The following FGFR1 variants were observed in gnomAD, a reference collection of about 807,000 sequenced individuals.
The protein encoded by FGFR1 is FGFR1/PLAG1 fusion.
FGFR1 carries 18 observed loss-of-function variants against 93.7 expected under a neutral mutation model. The ratio of observed to expected loss-of-function variants is 0.19; its 90% CI spans 0.13 to 0.28. The LOEUF (loss-of-function observed/expected upper bound fraction) is 0.28, where lower values mean the gene tolerates loss of function less well. Ranked by LOEUF, FGFR1 falls within the 10% of genes least tolerant of loss-of-function variation. The pLI is 1.00. For missense variants in FGFR1, 731 were observed against 1,080.4 expected (o/e 0.68, Z 4.53); for synonymous variants, 448 against 429.3 (o/e 1.04, Z -0.54).
intron 2 of FGFR1, among the ~76,000 whole-genome samples, chr8:38,446,359 C>T (rs1237150979): frequency 6.6e-6 from 1 of 151,994 alleles, no homozygotes; most frequent in Non-Finnish European, 1.5e-5. Context: ...TACAGGCGCC[C>T]GCCACCACAC....
Position 38,424,738 on chromosome 8 carries a change from C to G in FGFR1, c.746-39G>C, listed in dbSNP as rs2150829049. The G allele has an allele frequency of 6.3e-7, 1 of 1,594,210 alleles. No homozygotes were observed. Among genetic ancestry groups the G allele is most frequent in the East Asian group, 2.2e-5 (1 of 44,568 alleles). ...GAGAGGAGGCACTTGTCATGGGGAC[C>G]TTGCCATGGCTAAAGAGGGGTGGGC... is the stretch of plus-strand genomic sequence containing the variant. On this transcript the variant is annotated intron_variant, in intron 6 of 17. Transcript: ENST00000447712. The surrounding 1 kb of genome is among the most constrained non-coding windows in gnomAD (Gnocchi z 4.3).
At chr8:38,430,083 G>T in intron 2 of FGFR1, 135 bp from the exon 3 acceptor site, 1 of 877,248 alleles carries the variant, frequency 1.1e-6, no homozygotes, top group Non-Finnish European at 1.7e-6. Flanking sequence ...CTTACTGGAG[G>T]CTACTGAGCC....
At chr8:38,467,640 T>C (rs934597997) in intron 1 of FGFR1, 1 of 234,326 alleles carries the variant, frequency 4.3e-6, no homozygotes, top group Non-Finnish European at 8.4e-6. Context: ...CCTCGCCGCC[T>C]TCGCCCCGGG....
chr8:38,440,488 C>A, intron 2 of FGFR1: 2 of 755,400 alleles, frequency 2.6e-6, no homozygotes, highest in East Asian at 3.0e-5. Flanking sequence ...GGAAAGAGAG[C>A]CGGGAGCACC....
intron 2 of FGFR1, among the ~76,000 whole-genome samples, chr8:38,448,056 G>T (rs1174177268): frequency 6.6e-6 from 1 of 152,118 alleles, no homozygotes. Flanking sequence ...TCTCTGTATG[G>T]CTCTAAATGC....
chr8:38,438,355 A>G (rs945407948), intron 2 of FGFR1, among the ~76,000 whole-genome samples: 2 of 152,116 alleles, frequency 1.3e-5, no homozygotes, highest in African/African-American at 2.4e-5. Flanking sequence ...CAGCCTGGCC[A>G]ACATGGTGAA....
Position 38,429,108 on chromosome 8 carries a change from A to G in FGFR1, c.358+574T>C. On this transcript the variant is annotated intron_variant, in intron 3 of 17. Transcript: ENST00000447712. The surrounding 1 kb of genome is among the most constrained non-coding windows in gnomAD (Gnocchi z 4.4). ...GCCAAGTCCACACCCTGAGGTGCAT[A>G]AATGGCATAAAGAAAATTTCAGCTC... 2 of 361,502 alleles carry G rather than the reference A, an allele frequency of 5.5e-6. No individual in the cohort carries two copies. The highest frequency in any genetic ancestry group is 1.1e-5 in the Non-Finnish European group (2 of 182,842). 22.4% of individuals were successfully genotyped at this position (361,502 alleles called of 1,614,324 possible).
At chr8:38,414,931 C>G (rs368389787) in intron 13 of FGFR1, 30 bp from the exon 14 acceptor site, 9 of 1,600,546 alleles carry the variant, frequency 5.6e-6, no homozygotes, top group Non-Finnish European at 7.7e-6. Flanking sequence ...GAGCGGGAGG[C>G]GGGGAGGTGA....
chr8:38,450,123 C>G (rs1226200059), intron 2 of FGFR1, among the ~76,000 whole-genome samples: 1 of 152,202 alleles, frequency 6.6e-6, no homozygotes, highest in East Asian at 1.9e-4. Context: ...CCAGGCCCTT[C>G]AGATCCAGGT....
At chr8:38,452,837 C>T (rs1238709838) in intron 2 of FGFR1, among the ~76,000 whole-genome samples, 5 of 152,054 alleles carry the variant, frequency 3.3e-5, no homozygotes, top group Admixed American at 2.6e-4. Context: ...ACTAGCTGGG[C>T]GTGGTGGCAC....
At chr8:38,443,767 G>C (rs1018258989) in intron 2 of FGFR1, among the ~76,000 whole-genome samples, 2 of 151,900 alleles carry the variant, frequency 1.3e-5, no homozygotes, top group Admixed American at 1.3e-4. Flanking sequence ...AAAAGAATTA[G>C]ATGGCGCTGG....
At chr8:38,434,326 CTGCTTT>C (rs1563535373) in intron 2 of FGFR1, 18 of 185,114 alleles carry the variant, frequency 9.7e-5, no homozygotes, top group Admixed American at 2.7e-4. Flanking sequence ...CATATTGCTG[CTGCTTT>C]TTTTTTTTTT....
chr8:38,439,906 G>C (rs974088672), intron 2 of FGFR1, among the ~76,000 whole-genome samples: 1 of 151,996 alleles, frequency 6.6e-6, no homozygotes, highest in Admixed American at 6.6e-5. Flanking sequence ...CTGACAGTAG[G>C]TATTTGTATT....
At chr8:38,446,725 A>G (rs1829417692) in intron 2 of FGFR1, among the ~76,000 whole-genome samples, 1 of 152,154 alleles carries the variant, frequency 6.6e-6, no homozygotes, top group Non-Finnish European at 1.5e-5. Context: ...CATTATTTAT[A>G]AAAAACACTA....
chr8:38,429,416 C>T lies in FGFR1; in HGVS notation c.358+266G>A. The stretch of plus-strand genomic sequence containing the variant: ...CTGTGGTGGAAAAAAATCACAGGGT[C>T]TTAACATCCCAAGAGCCCTGGCAAT... On this transcript the variant is annotated intron_variant, in intron 3 of 17. Coordinates refer to ENST00000447712, the MANE Select transcript of FGFR1 (RefSeq NM_023110.3). This position sits in a 1 kb window ranked among gnomAD's most constrained non-coding sequence, Gnocchi z 4.4. 1.4e-6 allele frequency: 1 copy of T among 697,894 alleles called. No homozygotes were observed. Among genetic ancestry groups the T allele is most frequent in the Middle Eastern group, 2.3e-4 (1 of 4,288 alleles). The allele number at this position is 697,894 out of a possible 1,614,324, so 43.2% of individuals were successfully genotyped here.
chr8:38,419,474 G>A (rs1007916999), intron 9 of FGFR1, 59 bp downstream of exon 9: 1 of 1,452,946 alleles, frequency 6.9e-7, no homozygotes, highest in Non-Finnish European at 9.7e-7. Context: ...GAGAGGGCAG[G>A]GCATTAGAGG....
rs1198881871 is a variant in FGFR1, at chr8:38,457,538, A to AG, written c.-88-5dup. 1 of 1,576,962 alleles carries AG rather than the reference A, an allele frequency of 6.3e-7. No homozygotes were observed. The highest frequency in any genetic ancestry group is 1.9e-5 in the Admixed American group (1 of 53,740). On this transcript the variant is annotated splice_region_variant and splice_polypyrimidine_tract_variant and intron_variant, in intron 1 of 17. Coordinates refer to ENST00000447712, the MANE Select transcript of FGFR1 (RefSeq NM_023110.3). ...GATCCTCCTTTTCAAACTGACCCTG[A>AG]GGAAAGGAAAAAAACCCCAAAAGTT...
At chr8:38,418,119 G>C (rs1005835336) in intron 10 of FGFR1, 109 bp downstream of exon 10, 72 of 1,603,644 alleles carry the variant, frequency 4.5e-5, no homozygotes, top group Non-Finnish European at 5.6e-5. Context: ...GTTTCTGCAG[G>C]CATTTCATGA....
chr8:38,417,188 C>T, intron 12 of FGFR1, 118 bp downstream of exon 12: 1 of 816,272 alleles, frequency 1.2e-6, no homozygotes, highest in Admixed American at 1.7e-5. Flanking sequence ...AAACCTCTGC[C>T]AAAGCAGCCT....
Sources: allele counts gnomAD v4.1 joint callset (sites outside exome capture counted in the v4.1 genomes callset), GRCh38; gene constraint gnomAD v4.1.1; non-coding constraint Gnocchi (gnomAD v3.1); transcripts MANE v1.5; gene names NCBI Gene and HGNC (gene_info 2026-07-23, HGNC 2026-07-21).